Variants in MGAT4C observed in about 807,000 individuals in gnomAD.
MGAT4C encodes MGAT4 family member C, also known as alpha-1,3-mannosyl-glycoprotein 4-beta-N-acetylglucosaminyltransferase C.
A neutral mutation model predicts 40.1 loss-of-function variants in MGAT4C; 19 were observed. The observed-to-expected ratio is 0.47, with a 90% CI of 0.33 to 0.70. MGAT4C has a LOEUF of 0.70. Among genes scored for constraint, MGAT4C ranks in the 30% least tolerant of loss-of-function variants. The pLI is 0.02. For synonymous variants in MGAT4C, 181 were observed against 187.1 expected (o/e 0.97, Z 0.27); for missense variants, 491 against 563.2 (o/e 0.87, Z 1.30).
chr12:86,674,804 T>A (rs1260575822), intron 2 of MGAT4C, among the ~76,000 whole-genome samples: 1 of 152,198 alleles, frequency 6.6e-6, no homozygotes, highest in Non-Finnish European at 1.5e-5. Flanking sequence ...TAACAAGTAA[T>A]TAAGACTAGT....
At chr12:86,188,285 T>G (rs1593182632) in intron 1 of MGAT4C, among the ~76,000 whole-genome samples, 1 of 152,026 alleles carries the variant, frequency 6.6e-6, no homozygotes, top group Non-Finnish European at 1.5e-5. Flanking sequence ...CTGCATATGT[T>G]GTGATAGTTT....
chr12:86,272,888 T>C (rs1324576963), intron 4 of MGAT4C, among the ~76,000 whole-genome samples: 2 of 151,990 alleles, frequency 1.3e-5, no homozygotes, highest in East Asian at 3.9e-4. Context: ...TAATTAAATA[T>C]TTGCATTCAT....
At chr12:86,212,222 G>T (rs933664707) in intron 1 of MGAT4C, among the ~76,000 whole-genome samples, 3 of 152,120 alleles carry the variant, frequency 2.0e-5, no homozygotes, top group African/African-American at 4.8e-5. Context: ...ATAGCATCCC[G>T]CCAAATTACC....
At chr12:86,102,729 T>C (rs1279171609) in intron 1 of MGAT4C, among the ~76,000 whole-genome samples, 2 of 152,148 alleles carry the variant, frequency 1.3e-5, no homozygotes, top group Admixed American at 6.6e-5. Flanking sequence ...CTTAGTAGTC[T>C]TACCCAACAC....
chr12:85,969,670 A>G lies in MGAT4C; in HGVS notation c.*9619T>C, dbSNP rs1883527676. ...ATAGTCATATCATCCAGAAAATCCC[A>G]TCTTAGACAAATGGGTTTTCAATAA... is the stretch of plus-strand genomic sequence containing the variant. On this transcript the variant is annotated 3_prime_UTR_variant, in exon 5 of 5. Coordinates refer to ENST00000611864, the MANE Select transcript of MGAT4C (RefSeq NM_001351288.2). The G allele has an allele frequency of 6.6e-6, 1 of 151,574 alleles. No individual in the cohort carries two copies. Among genetic ancestry groups the G allele is most frequent in the East Asian group, 1.9e-4 (1 of 5,194 alleles). The allele number at this position is 151,574 out of a possible 1,614,324, so 9.4% of individuals were successfully genotyped here.
chr12:86,148,133 C>T (rs886747596), intron 1 of MGAT4C, among the ~76,000 whole-genome samples: 4 of 152,216 alleles, frequency 2.6e-5, no homozygotes, highest in South Asian at 2.1e-4. Context: ...AATTAAATGG[C>T]GCATTTTTAA....
Position 86,056,376 on chromosome 12 carries a change from CCTCCTCCA to C in MGAT4C, c.-56-6661_-56-6654del, listed in dbSNP as rs569839216. 2.2e-3 allele frequency among the ~76,000 whole-genome samples: 333 copies of C among 152,184 alleles called. 3 individuals are homozygous for C. Among genetic ancestry groups the C allele is most frequent in the Middle Eastern group, 0.01 (3 of 294 alleles). ...GTTAGGCATTTCTCCTAATGCTATC[CCTCCTCCA>C]CTCCTCCACCCCCTTAAGGCCCCAG... On this transcript the variant is annotated intron_variant, in intron 1 of 4. Coordinates refer to ENST00000611864, the MANE Select transcript of MGAT4C (RefSeq NM_001351288.2).
intron 1 of MGAT4C, among the ~76,000 whole-genome samples, chr12:86,806,756 GA>G (rs1176409642): frequency 6.6e-6 from 1 of 151,490 alleles, no homozygotes; most frequent in Non-Finnish European, 1.5e-5. Flanking sequence ...TGTCACAAGG[GA>G]AAAAAACCAA....
chr12:86,837,022 TGTAAAACTCTAAGACATTCAGGAGTGTA>T (rs1353361311), intron 1 of MGAT4C, among the ~76,000 whole-genome samples: 1 of 152,106 alleles, frequency 6.6e-6, no homozygotes, highest in African/African-American at 2.4e-5. Context: ...GCCATCGAAT[TGTAAAACTCTAAGACATTCAGGAGTGTA>T]TGTAGTTTCA....
intron 3 of MGAT4C, among the ~76,000 whole-genome samples, chr12:86,354,774 G>T (rs927982799): frequency 2.6e-5 from 4 of 152,152 alleles, no homozygotes; most frequent in African/African-American, 9.7e-5. Context: ...TATGTGTCCG[G>T]AGTTGGTTCC....
intron 1 of MGAT4C, among the ~76,000 whole-genome samples, chr12:86,761,536 A>G (rs998757887): frequency 6.6e-6 from 1 of 152,200 alleles, no homozygotes; most frequent in Non-Finnish European, 1.5e-5. Context: ...AACAACACAA[A>G]TCTATCCTCT....
chr12:86,209,648 A>T (rs893941114), intron 1 of MGAT4C, among the ~76,000 whole-genome samples: 1 of 152,152 alleles, frequency 6.6e-6, no homozygotes, highest in Admixed American at 6.5e-5. Context: ...TTTTAATAAA[A>T]GATTCTGTAT....
chr12:86,717,507 A>T (rs1950663689), intron 2 of MGAT4C, among the ~76,000 whole-genome samples: 1 of 152,290 alleles, frequency 6.6e-6, no homozygotes, highest in Non-Finnish European at 1.5e-5. Context: ...TGCTGTCAGA[A>T]ATACATAGCA....
chr12:86,577,574 G>A (rs1165684937), intron 2 of MGAT4C, among the ~76,000 whole-genome samples: 3 of 151,696 alleles, frequency 2.0e-5, no homozygotes, highest in Non-Finnish European at 3.0e-5. Context: ...TTATTCTGTT[G>A]ATATAATGTT....
chr12:86,440,451 G>GTAACC (rs1426149047), intron 2 of MGAT4C, among the ~76,000 whole-genome samples: 1 of 151,814 alleles, frequency 6.6e-6, no homozygotes, highest in Non-Finnish European at 1.5e-5. Context: ...AAAACTCTCA[G>GTAACC]TAACCTAGGC....
At chr12:86,515,741 T>TG (rs1490829779) in intron 2 of MGAT4C, among the ~76,000 whole-genome samples, 2 of 148,856 alleles carry the variant, frequency 1.3e-5, no homozygotes, top group African/African-American at 4.9e-5. Context: ...AGCAATTCTT[T>TG]TTTTTTTTTT....
intron 2 of MGAT4C, among the ~76,000 whole-genome samples, chr12:86,635,103 G>A (rs369744248): frequency 1.3e-5 from 2 of 152,164 alleles, no homozygotes; most frequent in East Asian, 3.9e-4. Flanking sequence ...TGCTTCCACT[G>A]TTAGGTCATC....
At chr12:86,054,400 G>A (rs9669353) in intron 1 of MGAT4C, among the ~76,000 whole-genome samples, 121,737 of 151,882 alleles carry the variant, frequency 0.8, 49,492 homozygotes, top group East Asian at 0.97. Flanking sequence ...AGGACAGTAG[G>A]ATAGTAGTTA....
intron 3 of MGAT4C, among the ~76,000 whole-genome samples, chr12:86,387,092 C>T (rs1334048830): frequency 1.3e-5 from 2 of 152,082 alleles, no homozygotes; most frequent in Non-Finnish European, 2.9e-5. Flanking sequence ...GTCAACATTT[C>T]AGACACTGTA....
Sources: allele counts gnomAD v4.1 joint callset (sites outside exome capture counted in the v4.1 genomes callset), GRCh38; gene constraint gnomAD v4.1.1; transcripts MANE v1.5; gene names NCBI Gene and HGNC (gene_info 2026-07-23, HGNC 2026-07-21).